EPHA5: variants seen among roughly 807,000 people sequenced by gnomAD.
EPHA5 encodes the protein EPH receptor A5.
EPHA5 carries 60 observed loss-of-function variants against 105.0 expected under a neutral mutation model. The observed-to-expected ratio is 0.57, with a 90% CI of 0.46 to 0.71. The LOEUF is 0.71. Ranked by LOEUF, EPHA5 falls within the 30% of genes least tolerant of loss-of-function variation. The pLI is 0.00. For synonymous variants in EPHA5, 513 were observed against 449.1 expected (o/e 1.14, Z -1.80); for missense variants, 1,218 against 1,274.7 (o/e 0.96, Z 0.68).
chr4:65,541,048 T>C (rs773741063), intron 3 of EPHA5, among the ~76,000 whole-genome samples: 17 of 151,026 alleles, frequency 1.1e-4, no homozygotes, highest in Non-Finnish European at 2.5e-4. Context: ...TGCACCTCCC[T>C]CCCTCCTTCC....
chr4:65,434,824 ACTG>A (rs1725320809), intron 5 of EPHA5, among the ~76,000 whole-genome samples: 2 of 152,142 alleles, frequency 1.3e-5, no homozygotes, highest in African/African-American at 2.4e-5. Context: ...AAATCAAAAC[ACTG>A]ACTATTTTTT....
intron 5 of EPHA5, among the ~76,000 whole-genome samples, chr4:65,428,926 T>C (rs984693064): frequency 6.6e-6 from 1 of 151,978 alleles, no homozygotes; most frequent in Non-Finnish European, 1.5e-5. Flanking sequence ...ACAGTGCAAA[T>C]CACAGTAACA....
chr4:65,448,931 A>C (rs1726820612), intron 5 of EPHA5, among the ~76,000 whole-genome samples: 1 of 152,196 alleles, frequency 6.6e-6, no homozygotes, highest in South Asian at 2.1e-4. Context: ...ATTTACTTTT[A>C]GATGGGAATA....
intron 3 of EPHA5, among the ~76,000 whole-genome samples, chr4:65,520,809 T>C (rs9759627): frequency 0.052 from 7,907 of 152,184 alleles, 279 homozygotes; most frequent in African/African-American, 0.1. Context: ...GAAATGCAAA[T>C]CAAAACCACA....
At chr4:65,521,997 T>C (rs2149282285) in intron 3 of EPHA5, among the ~76,000 whole-genome samples, 1 of 152,102 alleles carries the variant, frequency 6.6e-6, no homozygotes, top group South Asian at 2.1e-4. Context: ...TCACTTTACA[T>C]TTCATAGTCT....
intron 5 of EPHA5, among the ~76,000 whole-genome samples, chr4:65,475,731 C>G (rs1441822573): frequency 5.3e-5 from 8 of 152,104 alleles, no homozygotes; most frequent in African/African-American, 9.7e-5. Context: ...CTAAGCCACA[C>G]GAATGTTTGA....
rs546882133 is a variant in EPHA5 at position 65,328,682 on chromosome 4, A to T, written c.2945+3291T>A. 3.3e-5 allele frequency among the ~76,000 whole-genome samples: 5 copies of T among 151,264 alleles called. No individual in the cohort carries two copies. In the South Asian group the frequency reaches 1.0e-3, roughly 32 times the overall value. ...TTTGTTAACTTTGCAGAACCCTAAC[A>T]ATCAATGATATAGACATTGTACAGG... On this transcript the variant is annotated intron_variant, in intron 16 of 16. Transcript: ENST00000613740.
chr4:65,582,047 A>G (rs1227110270), intron 3 of EPHA5, among the ~76,000 whole-genome samples: 1 of 151,728 alleles, frequency 6.6e-6, no homozygotes, highest in East Asian at 1.9e-4. Context: ...TGAAGCATAT[A>G]GAAATGGTCC....
intron 3 of EPHA5, among the ~76,000 whole-genome samples, chr4:65,557,956 T>G (rs1738624332): frequency 6.6e-6 from 1 of 151,762 alleles, no homozygotes. Context: ...CACTGCAACT[T>G]CCCTCCTCCT....
chr4:65,438,731 A>C (rs1407497923), intron 5 of EPHA5, among the ~76,000 whole-genome samples: 1 of 152,018 alleles, frequency 6.6e-6, no homozygotes, highest in East Asian at 1.9e-4. Context: ...ACTAATTTTT[A>C]GAGTTAGCTA....
chr4:65,622,103 A>T (rs1745753688), intron 2 of EPHA5, among the ~76,000 whole-genome samples: 1 of 152,188 alleles, frequency 6.6e-6, no homozygotes, highest in African/African-American at 2.4e-5. Context: ...CTCTGGGAAT[A>T]CTTACATTAC....
chr4:65,467,039 A>T (rs1280353114), intron 5 of EPHA5, among the ~76,000 whole-genome samples: 1 of 152,216 alleles, frequency 6.6e-6, no homozygotes, highest in East Asian at 1.9e-4. Context: ...TTGGGACAAA[A>T]GAAGTGGTTA....
intron 5 of EPHA5, among the ~76,000 whole-genome samples, chr4:65,427,070 GA>G (rs142192856): frequency 2.2e-4 from 33 of 150,648 alleles, no homozygotes; most frequent in East Asian, 1.2e-3. Flanking sequence ...AGAGTTACTG[GA>G]AAAAAAGTCC....
At chr4:65,369,163 G>A (rs148402748) in intron 8 of EPHA5, among the ~76,000 whole-genome samples, 53 of 152,162 alleles carry the variant, frequency 3.5e-4, no homozygotes, top group African/African-American at 1.2e-3. Flanking sequence ...AAAAATATTC[G>A]TCACATTGAT....
intron 3 of EPHA5, among the ~76,000 whole-genome samples, chr4:65,561,345 G>A (rs1738994436): frequency 6.6e-6 from 1 of 151,834 alleles, no homozygotes; most frequent in South Asian, 2.1e-4. Flanking sequence ...CCAGAAGCAA[G>A]TACAAAATAC....
At chr4:65,356,758 T>A (rs1371349407) in intron 11 of EPHA5, among the ~76,000 whole-genome samples, 5 of 151,738 alleles carry the variant, frequency 3.3e-5, no homozygotes, top group Non-Finnish European at 3.0e-5. Flanking sequence ...TTATTCTTCA[T>A]GCGTGAGTCA....
At chr4:65,599,893 G>A (rs887375968) in intron 3 of EPHA5, among the ~76,000 whole-genome samples, 3 of 152,128 alleles carry the variant, frequency 2.0e-5, no homozygotes, top group Non-Finnish European at 4.4e-5. Context: ...ACTATCACCA[G>A]CAGAATGTTT....
chr4:65,379,292 C>CACAT (rs1719328629), intron 8 of EPHA5, among the ~76,000 whole-genome samples: 1 of 151,578 alleles, frequency 6.6e-6, no homozygotes, highest in South Asian at 2.1e-4. Flanking sequence ...CACACACACA[C>CACAT]ACTCACACAG....
At chr4:65,614,434 G>A (rs1402320644) in intron 2 of EPHA5, among the ~76,000 whole-genome samples, 1 of 151,738 alleles carries the variant, frequency 6.6e-6, no homozygotes, top group East Asian at 1.9e-4. Context: ...TTGTATATGA[G>A]CAAACTGAAC....
Sources: gnomAD v4.1 joint callset for allele counts (sites outside exome capture counted in the v4.1 genomes callset) on GRCh38, gnomAD v4.1.1 for gene constraint, MANE v1.5 for transcripts, NCBI Gene and HGNC (gene_info 2026-07-23, HGNC 2026-07-21) for gene names.